CATSPERT: variants seen among roughly 807,000 people sequenced by gnomAD.
CATSPERT encodes the protein catsper channel auxiliary subunit tau.
the CATSPERT span, among the ~76,000 whole-genome samples, chr2:201,614,531 G>A: frequency 3.3e-5 from 5 of 152,130 alleles, no homozygotes; most frequent in East Asian, 1.9e-4. Flanking sequence ...TCACCACCAG[G>A]CCTGCATTAG....
chr2:201,562,412 C>T, the CATSPERT span, among the ~76,000 whole-genome samples: 21 of 151,816 alleles, frequency 1.4e-4, no homozygotes, highest in Non-Finnish European at 2.7e-4. Flanking sequence ...TGGTCTCAAT[C>T]TCCTGACCTC....
At chr2:201,550,117 TG>T in the CATSPERT span, 1 of 152,196 alleles carries the variant, frequency 6.6e-6, no homozygotes, top group African/African-American at 2.4e-5. Flanking sequence ...ATCCATAAGC[TG>T]TTCCATCATT....
At chr2:201,572,367 A>C in the CATSPERT span, among the ~76,000 whole-genome samples, 14 of 152,220 alleles carry the variant, frequency 9.2e-5, no homozygotes, top group Admixed American at 2.0e-4. Flanking sequence ...ATGTAGCTTT[A>C]TCTGCCCCCA....
At chr2:201,589,715 T>C in the CATSPERT span, among the ~76,000 whole-genome samples, 1 of 152,028 alleles carries the variant, frequency 6.6e-6, no homozygotes, top group Non-Finnish European at 1.5e-5. Flanking sequence ...GATTTCATCA[T>C]GAAGACACCA....
At chr2:201,494,166 T>A in the CATSPERT span, 1 of 1,532,358 alleles carries the variant, frequency 6.5e-7, no homozygotes, top group Non-Finnish European at 8.7e-7. Flanking sequence ...TTTTTTCCAA[T>A]ACGTTGTCTT....
chr2:201,599,060 A>C, the CATSPERT span, among the ~76,000 whole-genome samples: 2 of 150,880 alleles, frequency 1.3e-5, no homozygotes, highest in African/African-American at 2.4e-5. Context: ...AAAGGCCTAG[A>C]CTCTCCCCTC....
chr2:201,491,988 T>G, the CATSPERT span: 8 of 1,536,896 alleles, frequency 5.2e-6, no homozygotes, highest in Non-Finnish European at 6.1e-6. Flanking sequence ...TGGAAGAAGG[T>G]TGTACTTTGA....
At chr2:201,535,440 T>G in the CATSPERT span, 1 of 964,450 alleles carries the variant, frequency 1.0e-6, no homozygotes, top group Non-Finnish European at 1.2e-6. Context: ...ATTCACACTC[T>G]TATTCTCATT....
At chr2:201,494,682 A>T in the CATSPERT span, 1 of 1,534,702 alleles carries the variant, frequency 6.5e-7, no homozygotes, top group Non-Finnish European at 8.7e-7. Context: ...ATATATCTTG[A>T]TCTTTTCTTT....
At chr2:201,492,346 T>A in the CATSPERT span, 1 of 1,535,682 alleles carries the variant, frequency 6.5e-7, no homozygotes, top group South Asian at 1.2e-5. Context: ...TTTTGAAAGT[T>A]TTTCTATAAA....
chr2:201,584,799 A>G, the CATSPERT span, among the ~76,000 whole-genome samples: 2 of 152,040 alleles, frequency 1.3e-5, no homozygotes, highest in Non-Finnish European at 2.9e-5. Context: ...AAAGAAAGAA[A>G]GAAAGAAAGA....
the CATSPERT span, among the ~76,000 whole-genome samples, chr2:201,606,699 G>A: frequency 7.2e-5 from 11 of 152,204 alleles, no homozygotes; most frequent in African/African-American, 2.6e-4. Flanking sequence ...AGGAGTTTGA[G>A]ACCAGCTTGG....
chr2:201,511,223 G>T, the CATSPERT span, among the ~76,000 whole-genome samples: 4 of 152,150 alleles, frequency 2.6e-5, no homozygotes, highest in Non-Finnish European at 4.4e-5. Context: ...TAATCTGGCA[G>T]TATCAAAATA....
the CATSPERT span, among the ~76,000 whole-genome samples, chr2:201,530,559 T>C: frequency 7.7e-6 from 1 of 129,058 alleles, no homozygotes; most frequent in South Asian, 2.8e-4. Context: ...AACAGTACCA[T>C]CAATCATTAG....
the CATSPERT span, chr2:201,557,633 C>G: frequency 6.6e-6 from 1 of 152,184 alleles, no homozygotes; most frequent in African/African-American, 2.4e-5. Context: ...GAAGTTGTAG[C>G]AGGATTTTCC....
the CATSPERT span, among the ~76,000 whole-genome samples, chr2:201,613,440 G>A: frequency 6.6e-6 from 1 of 152,200 alleles, no homozygotes; most frequent in South Asian, 2.1e-4. Flanking sequence ...CAGGCAAACA[G>A]GGTCAGAGTG....
At chr2:201,565,666 A>G in the CATSPERT span, 1 of 1,454,398 alleles carries the variant, frequency 6.9e-7, no homozygotes, top group Non-Finnish European at 9.1e-7. Context: ...AATATATTAT[A>G]CAAATAACAC....
the CATSPERT span, chr2:201,618,897 C>G: frequency 6.2e-7 from 1 of 1,613,544 alleles, no homozygotes; most frequent in South Asian, 1.1e-5. Flanking sequence ...CCCGCTCACT[C>G]ACGTTCAGCA....
chr2:201,561,697 C>T, the CATSPERT span, among the ~76,000 whole-genome samples: 1 of 152,004 alleles, frequency 6.6e-6, no homozygotes, highest in Non-Finnish European at 1.5e-5. Flanking sequence ...CATGGTGAAA[C>T]CCCATCTCCA....
Sources: gnomAD v4.1 joint callset for allele counts (sites outside exome capture counted in the v4.1 genomes callset) on GRCh38, gnomAD v4.1.1 for gene constraint, MANE v1.5 for transcripts, NCBI Gene and HGNC (gene_info 2026-07-23, HGNC 2026-07-21) for gene names.